TEX15: variants seen among roughly 807,000 people sequenced by gnomAD.
TEX15 encodes the protein testis expressed 15, meiosis and synapsis associated.
A neutral mutation model predicts 237.3 loss-of-function variants in TEX15; 171 were observed. That is an observed-to-expected ratio of 0.72 (90% CI 0.64 to 0.82). The LOEUF is 0.82. Among genes scored for constraint, TEX15 ranks in the 40% least tolerant of loss-of-function variants. The pLI, the probability that TEX15 is intolerant of heterozygous loss-of-function variation, is 0.00. For missense variants in TEX15, 3,750 were observed against 3,646.5 expected (o/e 1.03, Z -0.73); for synonymous variants, 1,338 against 1,269.8 (o/e 1.05, Z -1.14).
intron 3 of TEX15, among the ~76,000 whole-genome samples, chr8:30,883,812 T>C (rs1182459946): frequency 2.0e-5 from 3 of 152,206 alleles, no homozygotes; most frequent in African/African-American, 4.8e-5. Context: ...AATAAACATA[T>C]GTGTGCATGT....
chr8:30,842,904 T>C lies in TEX15; in HGVS notation c.7263A>G (p.Glu2421=). ...GGTTTATCACCACGTCTAAAACATT[T>C]TCTTCTGTGATAAAAATATTATCCA... ...NNMDNIFITE[E]NVLDVVINHS... is the part of the protein sequence containing the mutation. The change falls in exon 8 of 11, where the codon GAA becomes GAG. Residue 2421 remains glutamate, a synonymous_variant. Transcript: ENST00000643185. 6.2e-7 allele frequency: 1 copy of C among 1,609,496 alleles called. No homozygotes were observed. The highest frequency in any genetic ancestry group is 1.1e-5 in the South Asian group (1 of 90,488).
At chr8:30,868,865 CTTTTTTT>C (rs78255315) in intron 4 of TEX15, among the ~76,000 whole-genome samples, 1 of 134,756 alleles carries the variant, frequency 7.4e-6, no homozygotes, top group Non-Finnish European at 1.6e-5. Flanking sequence ...GGGCTAAATT[CTTTTTTT>C]TTTTTTTTTA....
At chr8:30,836,666 C>T in intron 10 of TEX15, 137 bp downstream of exon 10, 6 of 803,682 alleles carry the variant, frequency 7.5e-6, no homozygotes, top group Non-Finnish European at 1.2e-5. Context: ...AATCCATTGG[C>T]AATTCTACAA....
At chr8:30,908,739 G>A (rs1809159474) in intron 1 of TEX15, among the ~76,000 whole-genome samples, 1 of 152,152 alleles carries the variant, frequency 6.6e-6, no homozygotes. Context: ...CGATATTACT[G>A]CTAACTTTGT....
In TEX15 at chr8:30,837,984, G is replaced by A. The variant is rs759813914; in HGVS notation, c.8300C>T (p.Thr2767Met). 2.7e-5 allele frequency: 43 copies of A among 1,613,954 alleles called. No homozygotes were observed. The highest frequency in any genetic ancestry group is 6.6e-5 in the South Asian group (6 of 91,058). Residue 2767 changes from threonine (T) to methionine (M), a missense_variant, in exon 10 of 11, where the codon ACG becomes ATG. By Grantham distance (81) the Thr-to-Met change is moderately conservative. Transcript: ENST00000643185. Reference sequence around the variant, plus strand: ...TCTTTGCATTTCAACCTTTTTTGGCGTTAAATGATTTCTTTTCAGACTGTC... The same window carrying A: ...TCTTTGCATTTCAACCTTTTTTGGCATTAAATGATTTCTTTTCAGACTGTC... ...SCDSLKRNHLTPKKVEMQRSL... is the reference protein window; with the variant it reads ...SCDSLKRNHLMPKKVEMQRSL...
chr8:30,892,066 A>G (rs1384932997), intron 2 of TEX15, among the ~76,000 whole-genome samples: 9 of 152,170 alleles, frequency 5.9e-5, no homozygotes, highest in Admixed American at 3.3e-4. Flanking sequence ...GATCAACTTT[A>G]AGAAATACTT....
intron 1 of TEX15, among the ~76,000 whole-genome samples, chr8:30,902,665 T>C (rs1477902092): frequency 4.6e-5 from 7 of 152,102 alleles, no homozygotes; most frequent in Non-Finnish European, 1.0e-4. Context: ...ATCAAAGGGA[T>C]TGGTGATTCT....
In TEX15 at chr8:30,848,842, C is replaced by T. The variant is rs1227700639; in HGVS notation, c.1325G>A (p.Ser442Asn). ...KDPRLMRREE[S>N]MGEQSSTAGL... is the part of the protein sequence containing the mutation. ...TGCAGTACTACTCTGTTCTCCCATA[C>T]TTTCTTCTCTCCTCATCAGTCTTGG... The change falls in exon 8 of 11, where the codon AGT becomes AAT. Residue 442 changes from serine to asparagine, a missense_variant. By Grantham distance (46) the Ser-to-Asn change is conservative (BLOSUM62 1). Transcript: ENST00000643185. 1.2e-6 allele frequency: 2 copies of T among 1,614,016 alleles called. No homozygotes were observed. Among genetic ancestry groups the T allele is most frequent in the Non-Finnish European group, 1.7e-6 (2 of 1,180,032 alleles).
rs940034452 is a variant in TEX15, at chr8:30,832,738, T to C, written c.*548A>G. 6.6e-6 allele frequency: 1 copy of C among 152,142 alleles called. No homozygotes were observed. The highest frequency in any genetic ancestry group is 2.4e-5 in the African/African-American group (1 of 41,452). The allele number at this position is 152,142 out of a possible 1,614,324, so 9.4% of individuals were successfully genotyped here. On this transcript the variant is annotated 3_prime_UTR_variant, in exon 11 of 11. Transcript: ENST00000643185. ...TCATTGCCAATATAATTAACTACAA[T>C]TGCTTCCAACATAAACATTTAAAAC...
At position 30,844,830 on chromosome 8, in the gene TEX15, A is replaced by C; in HGVS notation, c.5337T>G (p.His1779Gln). 6.2e-7 allele frequency: 1 copy of C among 1,613,476 alleles called. No individual in the cohort carries two copies. Among genetic ancestry groups the C allele is most frequent in the Non-Finnish European group, 8.5e-7 (1 of 1,179,576 alleles). ...TEQCSSGNCL[H>Q]TDGNETNVTE... is the part of the protein sequence containing the mutation. ...TGACATTTGTTTCATTCCCATCTGT[A>C]TGGAGGCAATTACCTGAAGAGCACT... The change falls in exon 8 of 11, where the codon CAT becomes CAG. Residue 1779 changes from histidine (H) to glutamine (Q), a missense_variant. Coordinates refer to ENST00000643185, the MANE Select transcript of TEX15 (RefSeq NM_001350162.2).
chr8:30,868,817 A>G (rs1201844804), intron 4 of TEX15, among the ~76,000 whole-genome samples: 1 of 151,526 alleles, frequency 6.6e-6, no homozygotes, highest in Non-Finnish European at 1.5e-5. Context: ...TGTAAACCCT[A>G]CAGCAGGGTT....
chr8:30,878,444 C>T (rs145360828), intron 3 of TEX15, among the ~76,000 whole-genome samples: 2,732 of 152,096 alleles, frequency 0.018, 95 homozygotes, highest in African/African-American at 0.063. Flanking sequence ...AGTGCAATGG[C>T]GCGATCTCGG....
chr8:30,863,066 G>C (rs890311649), intron 5 of TEX15, among the ~76,000 whole-genome samples: 2 of 152,014 alleles, frequency 1.3e-5, no homozygotes, highest in Non-Finnish European at 2.9e-5. Flanking sequence ...CAACTTTCAG[G>C]GGAACGCTTG....
intron 5 of TEX15, among the ~76,000 whole-genome samples, chr8:30,862,385 G>A (rs1808069066): frequency 1.3e-5 from 2 of 152,018 alleles, no homozygotes; most frequent in South Asian, 4.2e-4. Context: ...CTTGGAAAAT[G>A]TTTATTTTAT....
intron 10 of TEX15, 23 bp from the exon 11 acceptor site, chr8:30,833,346 G>A (rs77897339): frequency 1.3e-6 from 2 of 1,561,352 alleles, no homozygotes; most frequent in Admixed American, 1.8e-5. Flanking sequence ...ACACCACAAA[G>A]ATTTAAATAA....
intron 3 of TEX15, among the ~76,000 whole-genome samples, chr8:30,880,861 T>A (rs1211625778): frequency 1.3e-5 from 2 of 152,136 alleles, no homozygotes; most frequent in African/African-American, 4.8e-5. Flanking sequence ...TGAACAATTG[T>A]TTTTTTATGT....
rs1807480758 is a variant in TEX15 at position 30,842,406 on chromosome 8, G to A, written c.7761C>T (p.Asn2587=). 1 of 1,613,698 alleles carries A rather than the reference G, an allele frequency of 6.2e-7. No homozygotes were observed. The highest frequency in any genetic ancestry group is 8.5e-7 in the Non-Finnish European group (1 of 1,179,828). ...TCAGCAGTGTAGAAAATTGATTGTA[G>A]TTGTATTCTAACTCTGTCACAGTGC... ...YGSTVTELEY[N]YNQFSTLLKN... Residue 2587 remains asparagine, a synonymous_variant, in exon 8 of 11, where the codon AAC becomes AAT. Coordinates refer to ENST00000643185, the MANE Select transcript of TEX15 (RefSeq NM_001350162.2).
chr8:30,875,399 T>C (rs1387404349), intron 3 of TEX15, among the ~76,000 whole-genome samples: 5 of 152,220 alleles, frequency 3.3e-5, no homozygotes, highest in Admixed American at 1.3e-4. Context: ...ACTCTGACTG[T>C]ACAATGCACA....
intron 9 of TEX15, among the ~76,000 whole-genome samples, chr8:30,838,814 A>ATATATATG (rs1807376958): frequency 1.2e-5 from 1 of 80,394 alleles, no homozygotes; most frequent in Non-Finnish European, 2.4e-5. Flanking sequence ...ATATATATAT[A>ATATATATG]TATATATGAA....
Sources: allele counts gnomAD v4.1 joint callset (sites outside exome capture counted in the v4.1 genomes callset), GRCh38; gene constraint gnomAD v4.1.1; transcripts MANE v1.5; gene names NCBI Gene and HGNC (gene_info 2026-07-23, HGNC 2026-07-21).